DLC1: variants seen among roughly 807,000 people sequenced by gnomAD.
DLC1 encodes the protein DLC1 Rho GTPase activating protein.
Under a neutral mutation model 140.3 loss-of-function variants are expected in DLC1, and 54 were observed. The observed-to-expected ratio is 0.38, with a 90% CI of 0.31 to 0.48. DLC1 has a LOEUF of 0.48. DLC1 is among the 20% of genes least tolerant of loss of function. The pLI, the probability that DLC1 is intolerant of heterozygous loss-of-function variation, is 0.96. For synonymous variants in DLC1, 986 were observed against 728.1 expected, an observed-to-expected ratio of 1.35 and a Z score of -5.70; for missense variants, 2,536 against 1,907.0, an observed-to-expected ratio of 1.33 and a Z score of -6.14.
At chr8:13,415,420 G>A (rs973400943) in intron 2 of DLC1, among the ~76,000 whole-genome samples, 1 of 141,734 alleles carries the variant, frequency 7.1e-6, no homozygotes, top group Non-Finnish European at 1.5e-5. Flanking sequence ...TTTTTTTTGA[G>A]ACAGAATCTT....
chr8:13,423,462 G>A (rs1585082898), intron 2 of DLC1, among the ~76,000 whole-genome samples: 1 of 152,012 alleles, frequency 6.6e-6, no homozygotes, highest in Non-Finnish European at 1.5e-5. Flanking sequence ...TGCTAGGATG[G>A]TATAGTTTCA....
intron 4 of DLC1, among the ~76,000 whole-genome samples, chr8:13,328,695 G>C (rs879462630): frequency 6.6e-6 from 1 of 152,114 alleles, no homozygotes; most frequent in Non-Finnish European, 1.5e-5. Context: ...ACATGGGAAG[G>C]GAGTGGGCTT....
At chr8:13,090,657 A>G (rs1405614583) in intron 14 of DLC1, among the ~76,000 whole-genome samples, 187 bp from the exon 15 acceptor site, 1 of 152,268 alleles carries the variant, frequency 6.6e-6, no homozygotes, top group Non-Finnish European at 1.5e-5. Context: ...GATCACCTCC[A>G]TAAATGTATC....
chr8:13,139,222 G>T (rs953077462), intron 5 of DLC1, among the ~76,000 whole-genome samples: 5 of 140,350 alleles, frequency 3.6e-5, no homozygotes, highest in Non-Finnish European at 7.5e-5. Flanking sequence ...CCGGGTAGTC[G>T]AGGCTGGATT....
chr8:13,098,550 G>T lies in DLC1; in HGVS notation c.3016C>A (p.Gln1006Lys). The T allele has an allele frequency of 6.2e-7, 1 of 1,614,154 alleles. No individual in the cohort carries two copies. The highest frequency in any genetic ancestry group is 1.1e-5 in the South Asian group (1 of 91,066). Residue 1006 changes from glutamine (Q) to lysine (K), a missense_variant, in exon 10 of 18, where the codon CAG (glutamine) becomes AAG (lysine). Physicochemically the swap from Gln to Lys is moderately conservative, Grantham distance 53. Transcript: ENST00000276297. ...NRHRLRWHSF[Q>K]SSHRPSLNSV... Reference sequence around the variant, plus strand: ...TTGAGGCTTGGCCGATGTGAGCTCTGGAAACTGTGCCATCTCAGTCGGTGC... The same window carrying T: ...TTGAGGCTTGGCCGATGTGAGCTCTTGAAACTGTGCCATCTCAGTCGGTGC...
At chr8:13,329,475 C>G (rs1367104984) in intron 4 of DLC1, among the ~76,000 whole-genome samples, 3 of 152,122 alleles carry the variant, frequency 2.0e-5, no homozygotes, top group East Asian at 3.9e-4. Flanking sequence ...CAGTCATCAC[C>G]TAATCTATAT....
chr8:13,236,519 T>C (rs1829291355), intron 5 of DLC1, among the ~76,000 whole-genome samples: 1 of 152,128 alleles, frequency 6.6e-6, no homozygotes, highest in South Asian at 2.1e-4. Context: ...CAGGAAATTA[T>C]GGACAATAAT....
intron 5 of DLC1, among the ~76,000 whole-genome samples, chr8:13,172,007 C>T (rs1178659576): frequency 1.3e-5 from 2 of 151,790 alleles, no homozygotes; most frequent in Admixed American, 1.3e-4. Context: ...AAGATCAGTA[C>T]ATCTACACGC....
chr8:13,384,570 T>C (rs879526960), intron 4 of DLC1, among the ~76,000 whole-genome samples: 6 of 152,186 alleles, frequency 3.9e-5, no homozygotes, highest in Non-Finnish European at 7.3e-5. Context: ...TTCTAAAAAA[T>C]CATTTAATAT....
chr8:13,172,485 T>G (rs1056824385), intron 5 of DLC1, among the ~76,000 whole-genome samples: 20 of 152,238 alleles, frequency 1.3e-4, no homozygotes, highest in African/African-American at 4.8e-4. Flanking sequence ...TCCATATACA[T>G]AAACTCAGAT....
intron 9 of DLC1, 82 bp downstream of exon 9, chr8:13,099,265 A>G: frequency 6.6e-7 from 1 of 1,520,528 alleles, no homozygotes; most frequent in Non-Finnish European, 8.8e-7. Flanking sequence ...ACTTAATCCC[A>G]TTTCTTCCCA....
chr8:13,545,887 A>T (rs1393313171), intron 1 of DLC1, among the ~76,000 whole-genome samples: 1 of 152,132 alleles, frequency 6.6e-6, no homozygotes, highest in Non-Finnish European at 1.5e-5. Flanking sequence ...ATAAAACGGT[A>T]AGAAGCCTAT....
chr8:13,600,081 A>G (rs894328180), intron 1 of DLC1, among the ~76,000 whole-genome samples: 3 of 151,912 alleles, frequency 2.0e-5, no homozygotes, highest in African/African-American at 7.2e-5. Context: ...AAACTGTGTC[A>G]TTAGAAAGCA....
chr8:13,349,360 A>C (rs534010303), intron 4 of DLC1, among the ~76,000 whole-genome samples: 15 of 152,316 alleles, frequency 9.8e-5, no homozygotes, highest in South Asian at 6.2e-4. Context: ...CCTATCTTAG[A>C]GCCCTCTCAA....
chr8:13,172,489 C>G (rs1215862259), intron 5 of DLC1, among the ~76,000 whole-genome samples: 2 of 152,186 alleles, frequency 1.3e-5, no homozygotes, highest in Admixed American at 6.5e-5. Flanking sequence ...TATACATAAA[C>G]TCAGATCAAG....
intron 1 of DLC1, among the ~76,000 whole-genome samples, chr8:13,508,656 G>C (rs71514465): frequency 0.14 from 20,831 of 152,106 alleles, 1,869 homozygotes; most frequent in Non-Finnish European, 0.21. Context: ...CTGACCTCGT[G>C]ATCTGCCCAC....
chr8:13,160,810 G>A (rs1285307482), intron 5 of DLC1, among the ~76,000 whole-genome samples: 3 of 152,244 alleles, frequency 2.0e-5, no homozygotes, highest in Non-Finnish European at 4.4e-5. Flanking sequence ...GTGGAGCCGG[G>A]CGTGGTGGCT....
At chr8:13,301,401 C>G (rs1048336332) in intron 5 of DLC1, among the ~76,000 whole-genome samples, 4 of 152,188 alleles carry the variant, frequency 2.6e-5, no homozygotes, top group Non-Finnish European at 4.4e-5. Context: ...GTGGAACACA[C>G]AAGGACATCA....
chr8:13,192,853 C>G (rs558266591), intron 5 of DLC1, among the ~76,000 whole-genome samples: 7 of 152,306 alleles, frequency 4.6e-5, no homozygotes, highest in South Asian at 2.1e-4. Flanking sequence ...AGAGAGGCCT[C>G]GGAGGAATCC....
Sources: allele counts gnomAD v4.1 joint callset (sites outside exome capture counted in the v4.1 genomes callset), GRCh38; gene constraint gnomAD v4.1.1; transcripts MANE v1.5; gene names NCBI Gene and HGNC (gene_info 2026-07-23, HGNC 2026-07-21).